The following PCCA variants were observed in gnomAD, a reference collection of about 807,000 sequenced individuals.
PCCA encodes the protein propionyl-CoA carboxylase alpha chain, mitochondrial.
PCCA carries 74 observed loss-of-function variants against 101.3 expected under a neutral mutation model. The ratio of observed to expected loss-of-function variants is 0.73; its 90% CI spans 0.61 to 0.89. PCCA has a LOEUF of 0.89. Among genes scored for constraint, PCCA ranks in the 40% least tolerant of loss-of-function variants. The pLI is 0.00. For synonymous variants in PCCA, 294 were observed against 313.6 expected, an observed-to-expected ratio of 0.94 and a Z score of 0.66; for missense variants, 891 against 907.0, an observed-to-expected ratio of 0.98 and a Z score of 0.23.
At chr13:100,436,358 A>C (rs2079934116) in intron 20 of PCCA, among the ~76,000 whole-genome samples, 1 of 152,226 alleles carries the variant, frequency 6.6e-6, no homozygotes, top group Non-Finnish European at 1.5e-5. Context: ...TTTGGACAGC[A>C]ACCATTCAGA....
chr13:100,180,771 G>A (rs1337874517), intron 6 of PCCA, among the ~76,000 whole-genome samples: 1 of 152,204 alleles, frequency 6.6e-6, no homozygotes, highest in East Asian at 1.9e-4. Flanking sequence ...ATGTATATTG[G>A]CATCCTTGTA....
At chr13:100,135,687 A>G (rs2051074898) in intron 4 of PCCA, among the ~76,000 whole-genome samples, 1 of 151,998 alleles carries the variant, frequency 6.6e-6, no homozygotes, top group South Asian at 2.1e-4. Context: ...TAGGAATTCC[A>G]GTATGAAGAG....
chr13:100,444,730 T>C lies in PCCA; in HGVS notation c.1846-4522T>C, dbSNP rs565719110. On this transcript the variant is annotated intron_variant, in intron 20 of 23. Transcript: ENST00000376285. ...TGCTGGGATTACAGGCGTGAGCCAC[T>C]GCACCCGGTGGTTTTGAACTTCTGA... is the stretch of plus-strand genomic sequence containing the variant. 1.4e-4 allele frequency among the ~76,000 whole-genome samples: 22 copies of C among 152,132 alleles called. 1 individual carries two copies. Among genetic ancestry groups the C allele is most frequent in the South Asian group, 8.3e-4 (4 of 4,822 alleles).
At chr13:100,277,680 C>T (rs908665849) in intron 12 of PCCA, among the ~76,000 whole-genome samples, 1 of 152,172 alleles carries the variant, frequency 6.6e-6, no homozygotes, top group African/African-American at 2.4e-5. Context: ...ATTTGCACAT[C>T]CAGAACCTCA....
intron 13 of PCCA, among the ~76,000 whole-genome samples, chr13:100,301,886 G>T (rs1032543715): frequency 3.3e-5 from 5 of 152,252 alleles, no homozygotes; most frequent in Admixed American, 6.5e-5. Context: ...AGCTTGAATG[G>T]ACCATGGTTT....
intron 19 of PCCA, among the ~76,000 whole-genome samples, chr13:100,418,925 G>A (rs1162624959): frequency 3.3e-5 from 5 of 151,934 alleles, no homozygotes; most frequent in African/African-American, 9.6e-5. Flanking sequence ...TCCTGTCCCT[G>A]TTCTTCAAGA....
intron 8 of PCCA, among the ~76,000 whole-genome samples, chr13:100,250,838 C>T (rs546347423): frequency 3.3e-5 from 5 of 152,212 alleles, no homozygotes; most frequent in Non-Finnish European, 7.4e-5. Context: ...GCAAGTCTAG[C>T]ATAGTCCTTT....
At chr13:100,282,998 G>A (rs1335819692) in intron 12 of PCCA, among the ~76,000 whole-genome samples, 1 of 151,998 alleles carries the variant, frequency 6.6e-6, no homozygotes, top group Non-Finnish European at 1.5e-5. Context: ...TGTAGGGGGA[G>A]GGGAATTTGG....
At chr13:100,472,720 G>A (rs923745073) in intron 21 of PCCA, among the ~76,000 whole-genome samples, 3 of 152,078 alleles carry the variant, frequency 2.0e-5, no homozygotes, top group African/African-American at 7.2e-5. Flanking sequence ...ATGTTTTAAG[G>A]CAGGGAAAAT....
chr13:100,222,527 C>T (rs1174546359), intron 7 of PCCA, among the ~76,000 whole-genome samples: 2 of 152,134 alleles, frequency 1.3e-5, no homozygotes, highest in African/African-American at 4.8e-5. Context: ...TTCACATTTA[C>T]TAGTTTAGAT....
At position 100,256,326 on chromosome 13, in the gene PCCA, C is replaced by A. The variant is rs530708800; in HGVS notation, c.638-1269C>A. ...AGCCTAAATGGCCCTTCTGATAATA[C>A]ACTTTTCTTAATTATTTTTCTCTCT... On this transcript the variant is annotated intron_variant, in intron 8 of 23. Coordinates refer to ENST00000376285, the MANE Select transcript of PCCA (RefSeq NM_000282.4). Among the ~76,000 whole-genome samples, 12 of 152,216 alleles carry A rather than the reference C, an allele frequency of 7.9e-5. No homozygotes were observed. The South Asian group carries it at 2.3e-3, about 29-fold the overall frequency.
chr13:100,425,070 A>C (rs181727302), intron 19 of PCCA, among the ~76,000 whole-genome samples: 3 of 152,132 alleles, frequency 2.0e-5, no homozygotes, highest in Admixed American at 6.5e-5. Context: ...TTGCATATTC[A>C]TGAAGGATGA....
chr13:100,413,414 A>G (rs2078172505), intron 19 of PCCA, among the ~76,000 whole-genome samples: 1 of 152,232 alleles, frequency 6.6e-6, no homozygotes, highest in East Asian at 1.9e-4. Context: ...TGAAAAGCAA[A>G]AGCATACTAA....
intron 9 of PCCA, among the ~76,000 whole-genome samples, chr13:100,262,208 C>T (rs193053509): frequency 1.6e-3 from 248 of 152,010 alleles, no homozygotes; most frequent in Non-Finnish European, 3.1e-3. Context: ...TCCTGGCCAA[C>T]GTGTTGAAAC....
At chr13:100,485,866 G>A (rs1162640759) in intron 21 of PCCA, among the ~76,000 whole-genome samples, 1 of 152,142 alleles carries the variant, frequency 6.6e-6, no homozygotes, top group African/African-American at 2.4e-5. Context: ...ACATAAGCTG[G>A]TACTAGGAAT....
intron 21 of PCCA, among the ~76,000 whole-genome samples, chr13:100,492,369 T>G (rs2084969938): frequency 6.6e-6 from 1 of 152,034 alleles, no homozygotes; most frequent in Non-Finnish European, 1.5e-5. Flanking sequence ...CTCCTGACCT[T>G]GTGATCCACC....
chr13:100,422,054 T>TTTCTC (rs1319685560), intron 19 of PCCA, among the ~76,000 whole-genome samples: 13,818 of 51,036 alleles, frequency 0.27, 942 homozygotes, highest in East Asian at 0.4. Flanking sequence ...TTCTTTTCCT[T>TTTCTC]TTCTCTTCTC....
At chr13:100,171,317 C>T (rs1174267901) in intron 6 of PCCA, among the ~76,000 whole-genome samples, 1 of 152,034 alleles carries the variant, frequency 6.6e-6, no homozygotes, top group East Asian at 1.9e-4. Context: ...TTGAGATTGT[C>T]AATATTTAAA....
At chr13:100,257,357 T>C (rs982684234) in intron 8 of PCCA, among the ~76,000 whole-genome samples, 1 of 142,146 alleles carries the variant, frequency 7.0e-6, no homozygotes, top group African/African-American at 2.6e-5. Context: ...CTGGGGAAAG[T>C]GTTATGTTTA....
Sources: allele counts gnomAD v4.1 joint callset (sites outside exome capture counted in the v4.1 genomes callset), GRCh38; gene constraint gnomAD v4.1.1; transcripts MANE v1.5; gene names NCBI Gene and HGNC (gene_info 2026-07-23, HGNC 2026-07-21).